CTSH: variants seen among roughly 807,000 people sequenced by gnomAD.
CTSH encodes the protein cathepsin H.
CTSH carries 52 observed loss-of-function variants against 56.3 expected under a neutral mutation model. That is an observed-to-expected ratio of 0.92 (90% CI 0.74 to 1.16). CTSH has a LOEUF of 1.16. Among genes scored for constraint, CTSH ranks in the 50% most tolerant of loss-of-function variants. The pLI is 0.00. For synonymous variants in CTSH, 174 were observed against 155.7 expected (o/e 1.12, Z -0.88); for missense variants, 406 against 424.5 (o/e 0.96, Z 0.38).
intron 11 of CTSH, among the ~76,000 whole-genome samples, chr15:78,922,479 C>G (rs146227346): frequency 0.012 from 1,903 of 152,248 alleles, 45 homozygotes; most frequent in African/African-American, 0.044. Flanking sequence ...CTGGCCGGGC[C>G]CTCACACAGC....
At chr15:78,944,422 T>A (rs1330170605) in intron 1 of CTSH, 1 of 153,380 alleles carries the variant, frequency 6.5e-6, no homozygotes, top group African/African-American at 2.4e-5. Context: ...GATTCACTGT[T>A]CCAAACAGCC....
In CTSH at chr15:78,944,926, A is replaced by C; in HGVS notation, c.56T>G (p.Val19Gly). The part of the protein sequence containing the change: ...CAGAWLLGVP[V>G]CGAAELCVNS... ...CACGCACAGTTCGGCGGCACCGCAGACGGGGACTCCCAGGAGCCAGGCCCC... is the reference window on the plus strand; with the variant it reads ...CACGCACAGTTCGGCGGCACCGCAGCCGGGGACTCCCAGGAGCCAGGCCCC... The change falls in exon 1 of 12, where the codon GTC (valine) becomes GGC (glycine). Residue 19 changes from valine (V) to glycine (G), a missense_variant. Val to Gly is a moderately radical substitution (Grantham distance 109, BLOSUM62 -3). Transcript: ENST00000220166. 1 of 1,548,416 alleles carries C rather than the reference A, an allele frequency of 6.5e-7. No homozygotes were observed. Among genetic ancestry groups the C allele is most frequent in the South Asian group, 1.2e-5 (1 of 83,784 alleles).
intron 1 of CTSH, among the ~76,000 whole-genome samples, chr15:78,940,720 A>T (rs2055270351): frequency 6.6e-6 from 1 of 152,180 alleles, no homozygotes; most frequent in Non-Finnish European, 1.5e-5. Context: ...GCACTTTGGG[A>T]GGCCAAGGTG....
chr15:78,937,489 T>G (rs1449779097), intron 2 of CTSH, 66 bp from the exon 3 acceptor site: 22 of 1,469,508 alleles, frequency 1.5e-5, no homozygotes, highest in South Asian at 2.4e-5. Flanking sequence ...GGAGACCTTT[T>G]TGTTTTCCTA....
chr15:78,935,966 A>C (rs1294098744), intron 3 of CTSH, among the ~76,000 whole-genome samples: 1 of 152,156 alleles, frequency 6.6e-6, no homozygotes, highest in Non-Finnish European at 1.5e-5. Context: ...TCAATGGTAT[A>C]GATGTCCGGG....
intron 5 of CTSH, among the ~76,000 whole-genome samples, chr15:78,932,949 C>T (rs201408493): frequency 2.0e-5 from 3 of 151,904 alleles, no homozygotes; most frequent in South Asian, 2.1e-4. Flanking sequence ...CCTCCAGTCT[C>T]TTCTGCCCAG....
intron 10 of CTSH, among the ~76,000 whole-genome samples, 155 bp from the exon 11 acceptor site, chr15:78,923,273 C>T (rs953165458): frequency 3.3e-5 from 5 of 152,178 alleles, no homozygotes; most frequent in East Asian, 1.9e-4. Context: ...ATTTAGTCTC[C>T]GTGAGAGAAC....
At chr15:78,944,837 G>A in intron 1 of CTSH, 54 bp downstream of exon 1, 1 of 1,508,346 alleles carries the variant, frequency 6.6e-7, no homozygotes, top group Non-Finnish European at 8.9e-7. Context: ...AGTTCTCCCA[G>A]CGTCCACTCT....
chr15:78,933,979 G>A (rs1239673072), intron 5 of CTSH, among the ~76,000 whole-genome samples: 1 of 152,158 alleles, frequency 6.6e-6, no homozygotes, highest in African/African-American at 2.4e-5. Flanking sequence ...ATTCTTGGTG[G>A]GCCTCTCTTT....
At chr15:78,941,501 T>G (rs1279542733) in intron 1 of CTSH, among the ~76,000 whole-genome samples, 4 of 144,714 alleles carry the variant, frequency 2.8e-5, no homozygotes, top group African/African-American at 1.0e-4. Flanking sequence ...ATTATAAAAA[T>G]TTATTCTGGA....
intron 8 of CTSH, 68 bp downstream of exon 8, chr15:78,929,344 G>A: frequency 8.2e-7 from 1 of 1,223,800 alleles, no homozygotes; most frequent in Admixed American, 1.8e-5. Flanking sequence ...TGTCTTCCAA[G>A]GCTGGGGAGG....
At chr15:78,938,380 A>T (rs556002794) in intron 2 of CTSH, among the ~76,000 whole-genome samples, 10 of 151,970 alleles carry the variant, frequency 6.6e-5, no homozygotes, top group East Asian at 5.8e-4. Flanking sequence ...AAAAAAAAAA[A>T]ATATTTTGTA....
intron 1 of CTSH, 143 bp from the exon 2 acceptor site, chr15:78,939,314 A>T: frequency 1.6e-6 from 1 of 611,264 alleles, no homozygotes; most frequent in Admixed American, 3.8e-5. Flanking sequence ...TATAATGCAG[A>T]ATGCAAAAAG....
Position 78,935,744 on chromosome 15 carries a change from A to G in CTSH, c.236T>C (p.Leu79Pro). 1 of 1,610,762 alleles carries G rather than the reference A, an allele frequency of 6.2e-7. No individual in the cohort carries two copies. Among genetic ancestry groups the G allele is most frequent in the Non-Finnish European group, 8.5e-7 (1 of 1,177,182 alleles). ...AAAGCTCATGTCTGAAAATTGGTTCAGTGCCACTACAAAAGAGAAGGAAAA... is the reference window on the plus strand; with the variant it reads ...AAAGCTCATGTCTGAAAATTGGTTCGGTGCCACTACAAAAGAGAAGGAAAA... ...NNGNHTFKMALNQFSDMSFAE... is the reference protein window; with the variant it reads ...NNGNHTFKMAPNQFSDMSFAE... The change falls in exon 4 of 12, where the codon CTG (leucine) becomes CCG (proline). Residue 79 changes from leucine to proline, a missense_variant. Leu to Pro is a moderately conservative substitution (Grantham distance 98). Coordinates refer to ENST00000220166, the MANE Select transcript of CTSH (RefSeq NM_004390.5).
chr15:78,928,578 AAAAAAAAAAAAGAAGG>A (rs1358172242), intron 8 of CTSH, among the ~76,000 whole-genome samples: 161 of 150,562 alleles, frequency 1.1e-3, no homozygotes, highest in Non-Finnish European at 1.9e-3. Flanking sequence ...AAAAAAAAAA[AAAAAAAAAAAAGAAGG>A]GAGAGTAAAA....
chr15:78,935,801 A>G, intron 3 of CTSH, 51 bp from the exon 4 acceptor site: 1 of 1,369,552 alleles, frequency 7.3e-7, no homozygotes, highest in Non-Finnish European at 1.0e-6. Context: ...TGAATCACTA[A>G]TGAAGAAACA....
intron 5 of CTSH, chr15:78,933,383 G>T (rs1478014369): frequency 3.1e-6 from 1 of 320,580 alleles, no homozygotes; most frequent in East Asian, 8.4e-5. Flanking sequence ...GCACAATGCT[G>T]GTGGCTGCTG....
At chr15:78,936,523 T>A (rs1227877697) in intron 3 of CTSH, among the ~76,000 whole-genome samples, 1 of 152,050 alleles carries the variant, frequency 6.6e-6, no homozygotes, top group Non-Finnish European at 1.5e-5. Flanking sequence ...AGAAATGAGG[T>A]TCAAGCCCAA....
chr15:78,922,436 TC>T (rs2054791690), intron 11 of CTSH, among the ~76,000 whole-genome samples: 1 of 152,086 alleles, frequency 6.6e-6, no homozygotes, highest in South Asian at 2.1e-4. Context: ...ATCCCACTTC[TC>T]CCGAAAATTT....
Sources: gnomAD v4.1 joint callset for allele counts (sites outside exome capture counted in the v4.1 genomes callset) on GRCh38, gnomAD v4.1.1 for gene constraint, MANE v1.5 for transcripts, NCBI Gene and HGNC (gene_info 2026-07-23, HGNC 2026-07-21) for gene names.